SAMD5: variants seen among roughly 807,000 people sequenced by gnomAD.
The protein encoded by SAMD5 is sterile alpha motif domain-containing protein 5.
A neutral mutation model predicts 11.3 loss-of-function variants in SAMD5; 13 were observed. The observed-to-expected ratio is 1.15, with a 90% CI of 0.75 to 1.83. The LOEUF is 1.83. Among genes scored for constraint, SAMD5 ranks in the 40% most tolerant of loss-of-function variants. SAMD5 has a pLI of 0.00. For synonymous variants in SAMD5, 129 were observed against 111.3 expected (o/e 1.16, Z -1.00); for missense variants, 255 against 239.1 (o/e 1.07, Z -0.44).
chr6:147,891,377 T>A, the SAMD5 span, among the ~76,000 whole-genome samples: 3,432 of 152,166 alleles, frequency 0.023, 119 homozygotes, highest in African/African-American at 0.077. Flanking sequence ...AATGCAATCT[T>A]GAGATTTATG....
At chr6:147,939,218 C>T in the SAMD5 span, among the ~76,000 whole-genome samples, 46 of 152,300 alleles carry the variant, frequency 3.0e-4, 2 homozygotes, top group South Asian at 9.1e-3. Context: ...CCCTACCCAT[C>T]ACCTCCATGT....
chr6:147,802,069 T>C, the SAMD5 span, among the ~76,000 whole-genome samples: 1 of 152,240 alleles, frequency 6.6e-6, no homozygotes, highest in East Asian at 1.9e-4. Flanking sequence ...CTAAATTTTA[T>C]CAAAATTAAA....
chr6:147,882,061 C>G, the SAMD5 span, among the ~76,000 whole-genome samples: 33 of 152,150 alleles, frequency 2.2e-4, no homozygotes, highest in Non-Finnish European at 4.3e-4. Flanking sequence ...AATGAGAGCT[C>G]TTTAACTTAT....
intron 1 of SAMD5, among the ~76,000 whole-genome samples, chr6:147,735,938 TGA>T (rs766853872): frequency 2.0e-5 from 3 of 152,172 alleles, no homozygotes; most frequent in Non-Finnish European, 2.9e-5. Flanking sequence ...AGTGCAACCT[TGA>T]GCATCATTTT....
rs563458753 is a variant in SAMD5, at chr6:147,625,042, G to A, written c.163-112275G>A. Among the ~76,000 whole-genome samples, 7 of 152,206 alleles carry A rather than the reference G, an allele frequency of 4.6e-5. No individual in the cohort carries two copies. In the South Asian group the frequency reaches 6.2e-4, roughly 13 times the overall value. On this transcript the variant is annotated intron_variant, in intron 1 of 1. Transcript: ENST00000566741. ...CCCAGAACTCAGGGTAGAAGCAGGC[G>A]TGACACTTGAAAAGACTGGGCGAAA...
the SAMD5 span, among the ~76,000 whole-genome samples, chr6:147,896,738 C>CAAAAAAAAAAAAAAAAAAAAAAAAA: frequency 1.6e-4 from 9 of 55,316 alleles, no homozygotes; most frequent in Admixed American, 1.8e-4. Flanking sequence ...GAACATTAAC[C>CAAAAAAAAAAAAAAAAAAAAAAAAA]AAAAAAAAAA....
At chr6:147,829,324 ACT>A in the SAMD5 span, among the ~76,000 whole-genome samples, 5 of 152,086 alleles carry the variant, frequency 3.3e-5, no homozygotes, top group African/African-American at 7.2e-5. Context: ...AGGCTCATAG[ACT>A]CTGCCCCCTG....
At chr6:147,872,715 AC>A in the SAMD5 span, among the ~76,000 whole-genome samples, 4 of 152,184 alleles carry the variant, frequency 2.6e-5, no homozygotes, top group African/African-American at 9.7e-5. Context: ...GATGGAACAG[AC>A]ATGAGGAAAA....
intron 1 of SAMD5, among the ~76,000 whole-genome samples, chr6:147,648,218 GA>G (rs1379083946): frequency 6.6e-6 from 1 of 152,192 alleles, no homozygotes; most frequent in African/African-American, 2.4e-5. Context: ...GAGGCCTCAG[GA>G]AACTTACAGT....
chr6:147,775,839 C>T, the SAMD5 span, among the ~76,000 whole-genome samples: 1 of 152,178 alleles, frequency 6.6e-6, no homozygotes, highest in Non-Finnish European at 1.5e-5. Flanking sequence ...AGTCAAGTTA[C>T]CTAACCTCTC....
intron 1 of SAMD5, among the ~76,000 whole-genome samples, chr6:147,690,187 C>T (rs1791080489): frequency 1.3e-5 from 2 of 152,096 alleles, no homozygotes; most frequent in Non-Finnish European, 1.5e-5. Flanking sequence ...ATTTTTAAAT[C>T]TAAATTATAA....
chr6:147,707,019 A>G (rs1174941316), intron 1 of SAMD5, among the ~76,000 whole-genome samples: 1 of 152,240 alleles, frequency 6.6e-6, no homozygotes, highest in Non-Finnish European at 1.5e-5. Flanking sequence ...TTGGTTATGT[A>G]CAAATGCCAA....
chr6:147,573,518 G>A (rs1345917017), downstream of SAMD5, among the ~76,000 whole-genome samples: 3 of 152,160 alleles, frequency 2.0e-5, no homozygotes, highest in Non-Finnish European at 4.4e-5. Flanking sequence ...GGGAATTATA[G>A]GGATTACAAT....
chr6:147,549,687 G>A (rs567279174), intron 1 of SAMD5, among the ~76,000 whole-genome samples: 1 of 151,872 alleles, frequency 6.6e-6, no homozygotes, highest in East Asian at 1.9e-4. Flanking sequence ...ATCTACATAT[G>A]AGCCTTTGCC....
chr6:147,760,709 G>T, the SAMD5 span, among the ~76,000 whole-genome samples: 1 of 152,110 alleles, frequency 6.6e-6, no homozygotes, highest in African/African-American at 2.4e-5. Context: ...GACAGTGTAG[G>T]CAACCGTGTC....
chr6:147,705,703 T>C (rs930750363), intron 1 of SAMD5, among the ~76,000 whole-genome samples: 2 of 152,196 alleles, frequency 1.3e-5, no homozygotes, highest in Non-Finnish European at 2.9e-5. Flanking sequence ...GAATATTCCT[T>C]AGGGGAGCTT....
At chr6:147,528,169 C>T (rs1788374028) in intron 1 of SAMD5, among the ~76,000 whole-genome samples, 2 of 152,124 alleles carry the variant, frequency 1.3e-5, no homozygotes, top group South Asian at 4.2e-4. Flanking sequence ...GGACACAGAT[C>T]CAAACCGTAT....
the SAMD5 span, among the ~76,000 whole-genome samples, chr6:147,839,302 C>A: frequency 6.6e-6 from 1 of 152,344 alleles, no homozygotes; most frequent in African/African-American, 2.4e-5. Flanking sequence ...GATTCCACCT[C>A]TGCAGAGTCC....
At chr6:147,572,608 C>T (rs1789153487), downstream of SAMD5, among the ~76,000 whole-genome samples, 2 of 152,040 alleles carry the variant, frequency 1.3e-5, no homozygotes, top group Non-Finnish European at 2.9e-5. Context: ...CCCAATGTTG[C>T]ACTATTTGAA....
Sources: allele counts gnomAD v4.1 joint callset (sites outside exome capture counted in the v4.1 genomes callset), GRCh38; gene constraint gnomAD v4.1.1; transcripts MANE v1.5; gene names NCBI Gene and HGNC (gene_info 2026-07-23, HGNC 2026-07-21).